Variants in RPS6KA5 observed in about 807,000 individuals in gnomAD.
The protein encoded by RPS6KA5 is ribosomal protein S6 kinase alpha-5.
In RPS6KA5, 27 loss-of-function variants were observed where a neutral mutation model predicts 85.5. The ratio of observed to expected loss-of-function variants is 0.32; its 90% CI spans 0.23 to 0.44. The LOEUF is 0.44. RPS6KA5 is among the 20% of genes least tolerant of loss of function. The pLI is 1.00. For synonymous variants in RPS6KA5, 334 were observed against 348.2 expected, an observed-to-expected ratio of 0.96 and a Z score of 0.46; for missense variants, 811 against 980.9, an observed-to-expected ratio of 0.83 and a Z score of 2.31.
intron 14 of RPS6KA5, among the ~76,000 whole-genome samples, chr14:90,884,802 C>A (rs1044866968): frequency 4.6e-5 from 7 of 152,124 alleles, no homozygotes; most frequent in Admixed American, 1.3e-4. Context: ...GTCTTTGTTA[C>A]AGAAATATAC....
chr14:90,925,809 C>T (rs1217874229), intron 5 of RPS6KA5, among the ~76,000 whole-genome samples: 1 of 150,126 alleles, frequency 6.7e-6, no homozygotes. Flanking sequence ...GGCATAGTGG[C>T]GCATGCCTGT....
chr14:90,877,990 C>A (rs2033588751), intron 14 of RPS6KA5, among the ~76,000 whole-genome samples: 1 of 152,206 alleles, frequency 6.6e-6, no homozygotes, highest in African/African-American at 2.4e-5. Flanking sequence ...AATGCTTCCC[C>A]TCTATGGAAA....
In RPS6KA5 at chr14:90,901,120, T is replaced by A. The variant is rs552717227; in HGVS notation, c.1120-384A>T. On this transcript the variant is annotated intron_variant, in intron 9 of 16. Coordinates refer to ENST00000614987, the MANE Select transcript of RPS6KA5 (RefSeq NM_004755.4). The stretch of plus-strand genomic sequence containing the variant: ...GTATTAAACAAAGTGGTCTTTTTTT[T>A]TTGAGATTGAGTCTGGCTCTGTTGC... 8.4e-4 allele frequency among the ~76,000 whole-genome samples: 128 copies of A among 152,280 alleles called. 2 individuals carry two copies. In the South Asian group the frequency reaches 0.013, roughly 15 times the overall value.
chr14:91,022,351 G>A (rs1353758283), intron 1 of RPS6KA5, among the ~76,000 whole-genome samples: 1 of 152,142 alleles, frequency 6.6e-6, no homozygotes, highest in Non-Finnish European at 1.5e-5. Flanking sequence ...GGGATCCAAT[G>A]GAATGTGAAG....
intron 1 of RPS6KA5, among the ~76,000 whole-genome samples, chr14:91,043,808 T>C (rs1247833370): frequency 2.6e-5 from 4 of 152,320 alleles, no homozygotes; most frequent in Non-Finnish European, 4.4e-5. Context: ...ATGACCCCAA[T>C]GACCCTAGCC....
chr14:91,039,288 A>G (rs779665827), intron 1 of RPS6KA5, among the ~76,000 whole-genome samples: 1 of 152,148 alleles, frequency 6.6e-6, no homozygotes, highest in Non-Finnish European at 1.5e-5. Context: ...GGATATTGTC[A>G]ATTTCTAGAA....
chr14:90,944,521 C>T (rs867633491), intron 4 of RPS6KA5, among the ~76,000 whole-genome samples: 1 of 152,026 alleles, frequency 6.6e-6, no homozygotes, highest in Admixed American at 6.5e-5. Context: ...TTTGGGAGGC[C>T]GAGGTGGGCA....
At chr14:90,957,783 C>T (rs1378244436) in intron 3 of RPS6KA5, among the ~76,000 whole-genome samples, 2 of 151,742 alleles carry the variant, frequency 1.3e-5, no homozygotes, top group African/African-American at 4.8e-5. Flanking sequence ...GAGCTACTGG[C>T]TTCCTCTTAA....
intron 7 of RPS6KA5, among the ~76,000 whole-genome samples, chr14:90,908,651 A>G (rs1013566970): frequency 2.0e-5 from 3 of 152,236 alleles, no homozygotes; most frequent in South Asian, 2.1e-4. Context: ...GAAAGGGCCT[A>G]TAGCAGGTTA....
At chr14:91,027,523 T>A (rs2042028616) in intron 1 of RPS6KA5, among the ~76,000 whole-genome samples, 1 of 152,206 alleles carries the variant, frequency 6.6e-6, no homozygotes, top group African/African-American at 2.4e-5. Flanking sequence ...CTTAAAAAAA[T>A]TCTGAGAGGC....
Position 90,851,942 on chromosome 14 carries a change from T to A in RPS6KA5, c.*20132A>T, listed in dbSNP as rs973717975. The A allele has an allele frequency of 6.6e-6, 1 of 152,046 alleles. No individual in the cohort carries two copies. The highest frequency in any genetic ancestry group is 2.4e-5 in the African/African-American group (1 of 41,412). The allele number at this position is 152,046 out of a possible 1,614,324, so 9.4% of individuals were successfully genotyped here. A position where few individuals can be genotyped will look rare whatever the true frequency, so the allele number is the denominator to read the frequency against. On this transcript the variant is annotated 3_prime_UTR_variant, in exon 17 of 17. Transcript: ENST00000614987. ...TTCCCAATCATCTCACAGCGTTTAT[T>A]TGAACAAAAAAGACAGAATTTAATA...
Position 90,855,743 on chromosome 14 carries a change from G to A in RPS6KA5, c.*16331C>T, listed in dbSNP as rs893631951. 1 of 152,494 alleles carries A rather than the reference G, an allele frequency of 6.6e-6. No individual in the cohort carries two copies. Among genetic ancestry groups the A allele is most frequent in the East Asian group, 1.9e-4 (1 of 5,204 alleles). The allele number at this position is 152,494 out of a possible 1,614,324, so 9.4% of individuals were successfully genotyped here. ...CTGCCTCAGCCTCCCGAGCAGCTGGGACTACAGTCATCCGCCACCACGCCC... is the reference window on the plus strand; with the variant it reads ...CTGCCTCAGCCTCCCGAGCAGCTGGAACTACAGTCATCCGCCACCACGCCC... On this transcript the variant is annotated 3_prime_UTR_variant, in exon 17 of 17. Transcript: ENST00000614987.
rs936604600 is a variant in RPS6KA5, at chr14:90,853,150, G to C, written c.*18924C>G. The C allele has an allele frequency of 6.6e-6, 1 of 151,846 alleles. No individual in the cohort carries two copies. The highest frequency in any genetic ancestry group is 2.4e-5 in the African/African-American group (1 of 41,218). 9.4% of individuals were successfully genotyped at this position (151,846 alleles called of 1,614,324 possible). On this transcript the variant is annotated 3_prime_UTR_variant, in exon 17 of 17. Transcript: ENST00000614987. ...AAATGAGTTCACTATAAAAAAAATTGTTATGATGCTTTACTTAATTTGCCC... is the reference window on the plus strand; with the variant it reads ...AAATGAGTTCACTATAAAAAAAATTCTTATGATGCTTTACTTAATTTGCCC...
chr14:91,017,276 G>C (rs543972106), intron 1 of RPS6KA5, among the ~76,000 whole-genome samples: 1 of 152,308 alleles, frequency 6.6e-6, no homozygotes, highest in African/African-American at 2.4e-5. Context: ...GCAGTGTTTT[G>C]TTCTTGCTGT....
chr14:90,956,066 A>G (rs910943311), intron 3 of RPS6KA5, among the ~76,000 whole-genome samples: 1 of 152,228 alleles, frequency 6.6e-6, no homozygotes, highest in Non-Finnish European at 1.5e-5. Context: ...ACACTGTATT[A>G]AGTATCAGAA....
intron 1 of RPS6KA5, among the ~76,000 whole-genome samples, chr14:91,045,556 G>T (rs1003743291): frequency 6.6e-6 from 1 of 152,144 alleles, no homozygotes; most frequent in Admixed American, 6.5e-5. Flanking sequence ...GAGCCACCGC[G>T]CCTGGCCTTT....
chr14:91,002,462 T>C (rs144608075), intron 1 of RPS6KA5, among the ~76,000 whole-genome samples: 291 of 152,174 alleles, frequency 1.9e-3, no homozygotes, highest in African/African-American at 6.5e-3. Flanking sequence ...ATTAAATGAA[T>C]CAAATTTATA....
At chr14:90,993,500 G>A (rs1305467318) in intron 2 of RPS6KA5, among the ~76,000 whole-genome samples, 2 of 152,152 alleles carry the variant, frequency 1.3e-5, no homozygotes, top group East Asian at 1.9e-4. Flanking sequence ...AACAACAAGT[G>A]TCTTTTTGCC....
At chr14:91,053,569 G>C (rs2043182292) in intron 1 of RPS6KA5, among the ~76,000 whole-genome samples, 2 of 152,004 alleles carry the variant, frequency 1.3e-5, no homozygotes, top group South Asian at 4.2e-4. Flanking sequence ...AAAAATAAAA[G>C]TAAGAAACTA....
Sources: gnomAD v4.1 joint callset for allele counts (sites outside exome capture counted in the v4.1 genomes callset) on GRCh38, gnomAD v4.1.1 for gene constraint, MANE v1.5 for transcripts, NCBI Gene and HGNC (gene_info 2026-07-23, HGNC 2026-07-21) for gene names.